The following TPM3 variants were observed in gnomAD, a reference collection of about 807,000 sequenced individuals.
TPM3 encodes the protein tropomyosin 3.
TPM3 carries 16 observed loss-of-function variants against 43.1 expected under a neutral mutation model. That is an observed-to-expected ratio of 0.37 (90% CI 0.25 to 0.56). The LOEUF (loss-of-function observed/expected upper bound fraction) is 0.56, where lower values mean the gene tolerates loss of function less well. Among genes scored for constraint, TPM3 ranks in the 20% least tolerant of loss-of-function variants. The pLI is 0.77. For missense variants in TPM3, 176 were observed against 337.2 expected (o/e 0.52, Z 3.74); for synonymous variants, 101 against 116.9 (o/e 0.86, Z 0.88).
intron 2 of TPM3, among the ~76,000 whole-genome samples, chr1:154,179,498 C>G (rs141225884): frequency 1.2e-3 from 182 of 152,332 alleles, no homozygotes; most frequent in African/African-American, 4.2e-3. Context: ...TCAAAGCCCA[C>G]TCCCTCGGTA....
intron 2 of TPM3, chr1:154,187,543 T>C (rs1291082215): frequency 2.0e-6 from 2 of 981,202 alleles, no homozygotes; most frequent in Non-Finnish European, 2.4e-6. Flanking sequence ...GAAACTTCTT[T>C]CAAATGAATA....
Position 154,166,389 on chromosome 1 carries a change from G to T in TPM3, c.*1548C>A. On this transcript the variant is annotated 3_prime_UTR_variant, in exon 10 of 10. Coordinates refer to ENST00000651641, the MANE Select transcript of TPM3 (RefSeq NM_152263.4). ...TCACCCCTTCTTAGGCAACCTTGTTGTTCTCCACTCCCAGGAGGTCACCAT... is the reference window on the plus strand; with the variant it reads ...TCACCCCTTCTTAGGCAACCTTGTTTTTCTCCACTCCCAGGAGGTCACCAT... 1 of 352,028 alleles carries T rather than the reference G, an allele frequency of 2.8e-6. No homozygotes were observed. Among genetic ancestry groups the T allele is most frequent in the Non-Finnish European group, 4.4e-6 (1 of 229,506 alleles). 21.8% of individuals were successfully genotyped at this position (352,028 alleles called of 1,614,324 possible).
rs746693204 is a variant in TPM3, at chr1:154,172,946, G to A, written c.528C>T (p.Asp176=). Residue 176 remains aspartate (D), a synonymous_variant, in exon 5 of 10, where the codon GAC becomes GAT. Transcript: ENST00000651641. ...CAGCTCGTTCCTCTGTGCGTTCCAA[G>A]TCTCCTTCAATGATCACCAACTTAC... ...VARKLVIIEG[D]LERTEERAEL... is the part of the protein sequence containing the mutation. The A allele has an allele frequency of 3.7e-6, 6 of 1,614,156 alleles. No homozygotes were observed. The highest frequency in any genetic ancestry group is 1.6e-4 in the Middle Eastern group (1 of 6,062).
intron 2 of TPM3, among the ~76,000 whole-genome samples, chr1:154,181,001 T>G (rs1662882758): frequency 6.6e-6 from 1 of 152,142 alleles, no homozygotes; most frequent in African/African-American, 2.4e-5. Context: ...ATTTAAATAC[T>G]GAGCCTAAGA....
In TPM3 at chr1:154,163,462, A is replaced by G. The variant is rs1390235976; in HGVS notation, c.*4475T>C. On this transcript the variant is annotated 3_prime_UTR_variant, in exon 10 of 10. Coordinates refer to ENST00000651641, the MANE Select transcript of TPM3 (RefSeq NM_152263.4). Reference sequence around the variant, plus strand: ...TCTTAACACTCAAAATGTACCCTCAAATTACTAAAGTATCAATGCATGTCC... The same window carrying G: ...TCTTAACACTCAAAATGTACCCTCAGATTACTAAAGTATCAATGCATGTCC... Among the ~76,000 whole-genome samples the G allele has an allele frequency of 1.3e-5, 2 of 152,096 alleles. No individual in the cohort carries two copies. Among genetic ancestry groups the G allele is most frequent in the Non-Finnish European group, 2.9e-5 (2 of 68,014 alleles).
chr1:154,189,843 G>A (rs1403781012), intron 2 of TPM3, among the ~76,000 whole-genome samples: 11 of 150,610 alleles, frequency 7.3e-5, no homozygotes, highest in African/African-American at 2.2e-4. Context: ...GAAAGAAACC[G>A]GATGGCAGAG....
chr1:154,156,168 T>C (rs1419438691), downstream of TPM3: 2 of 173,562 alleles, frequency 1.2e-5, no homozygotes, highest in Admixed American at 6.4e-5. Context: ...GAGGCGGAGG[T>C]TGCAGTGAGC....
At chr1:154,174,567 T>C in intron 3 of TPM3, among the ~76,000 whole-genome samples, 1 of 145,322 alleles carries the variant, frequency 6.9e-6, no homozygotes, top group African/African-American at 2.5e-5. Flanking sequence ...AGAGGGAGGC[T>C]CACTGCAACC....
chr1:154,177,807 C>T (rs1662501823), intron 2 of TPM3, among the ~76,000 whole-genome samples: 2 of 152,158 alleles, frequency 1.3e-5, no homozygotes, highest in Non-Finnish European at 2.9e-5. Context: ...AAAACTTCCA[C>T]ATACAAACAT....
downstream of TPM3, among the ~76,000 whole-genome samples, chr1:154,159,307 G>GA (rs1056641937): frequency 3.9e-5 from 6 of 152,010 alleles, no homozygotes; most frequent in Non-Finnish European, 7.4e-5. Context: ...TTTTGAGGGA[G>GA]AAAAAATGCT....
chr1:154,174,892 C>G (rs949494627), intron 3 of TPM3, among the ~76,000 whole-genome samples: 1 of 152,130 alleles, frequency 6.6e-6, no homozygotes, highest in East Asian at 1.9e-4. Flanking sequence ...TAGAAAGGCA[C>G]TATTTATTCT....
chr1:154,172,306 C>A (rs549782960), intron 5 of TPM3: 1 of 719,288 alleles, frequency 1.4e-6, no homozygotes, highest in Non-Finnish European at 2.6e-6. Flanking sequence ...GCATTCAGCA[C>A]TGACTTTGTT....
intron 8 of TPM3, 102 bp downstream of exon 8, chr1:154,170,298 G>A: frequency 7.7e-7 from 1 of 1,303,998 alleles, no homozygotes; most frequent in South Asian, 1.2e-5. Context: ...TACATGCCAA[G>A]TCACTACCAA....
At chr1:154,172,508 T>C (rs1661711642) in intron 5 of TPM3, 1 of 498,580 alleles carries the variant, frequency 2.0e-6, no homozygotes. Context: ...CCTTCCTGCC[T>C]TGGCATACTA....
intron 9 of TPM3, 112 bp from the exon 10 acceptor site, chr1:154,168,052 A>G: frequency 2.0e-6 from 3 of 1,480,118 alleles, no homozygotes; most frequent in South Asian, 1.2e-5. Flanking sequence ...GGAATAATAA[A>G]AGAGAGCCAG....
chr1:154,191,167 C>G lies in TPM3; in HGVS notation c.243+19G>C, dbSNP rs746963243. Reference sequence around the variant, plus strand: ...TATATGTGTAGATTAAACCCATCCTCCATCTCTCTAATACTCACATCAGCA... The same window carrying G: ...TATATGTGTAGATTAAACCCATCCTGCATCTCTCTAATACTCACATCAGCA... On this transcript the variant is annotated intron_variant, in intron 2 of 9. Transcript: ENST00000651641. 6.2e-7 allele frequency: 1 copy of G among 1,614,052 alleles called. No homozygotes were observed. The highest frequency in any genetic ancestry group is 8.5e-7 in the Non-Finnish European group (1 of 1,180,006).
At chr1:154,183,173 T>C (rs976163486) in intron 2 of TPM3, 1 of 1,596,508 alleles carries the variant, frequency 6.3e-7, no homozygotes, top group Non-Finnish European at 8.5e-7. Flanking sequence ...CCGCTCGGCG[T>C]TGCAGCCTCC....
At chr1:154,182,589 T>A (rs1481754757) in intron 2 of TPM3, among the ~76,000 whole-genome samples, 2 of 151,178 alleles carry the variant, frequency 1.3e-5, no homozygotes, top group Non-Finnish European at 2.9e-5. Flanking sequence ...ACCCACCCAC[T>A]CTTACCCCTT....
intron 5 of TPM3, chr1:154,172,091 T>C: frequency 6.2e-7 from 1 of 1,614,024 alleles, no homozygotes; most frequent in Non-Finnish European, 8.5e-7. Context: ...TGCTCATCCA[T>C]CTCTCGGCAA....
Sources: gnomAD v4.1 joint callset for allele counts (sites outside exome capture counted in the v4.1 genomes callset) on GRCh38, gnomAD v4.1.1 for gene constraint, MANE v1.5 for transcripts, NCBI Gene and HGNC (gene_info 2026-07-23, HGNC 2026-07-21) for gene names.